ITGA8: variants seen among roughly 807,000 people sequenced by gnomAD.
ITGA8 encodes integrin subunit alpha 8.
ITGA8 carries 91 observed loss-of-function variants against 142.3 expected under a neutral mutation model. The ratio of observed to expected loss-of-function variants is 0.64; its 90% CI spans 0.54 to 0.76. The LOEUF (loss-of-function observed/expected upper bound fraction) is 0.76, where lower values mean the gene tolerates loss of function less well. Ranked by LOEUF, ITGA8 falls within the 30% of genes least tolerant of loss-of-function variation. The pLI, the probability that ITGA8 is intolerant of heterozygous loss-of-function variation, is 0.00. For missense variants in ITGA8, 1,406 were observed against 1,327.7 expected, an observed-to-expected ratio of 1.06 and a Z score of -0.92; for synonymous variants, 505 against 485.2, an observed-to-expected ratio of 1.04 and a Z score of -0.54.
At chr10:15,582,777 A>T (rs2131589152) in intron 23 of ITGA8, among the ~76,000 whole-genome samples, 1 of 152,390 alleles carries the variant, frequency 6.6e-6, no homozygotes, top group African/African-American at 2.4e-5. Context: ...CATAAAGCAC[A>T]TGCTGGCAAA....
Position 15,719,748 on chromosome 10 carries a change from A to G in ITGA8, c.24T>C (p.Gly8=), listed in dbSNP as rs56145228. 109 of 1,357,486 alleles carry G rather than the reference A, an allele frequency of 8.0e-5. No individual in the cohort carries two copies. The African/African-American group carries it at 1.4e-3, about 18-fold the overall frequency. 84.1% of individuals were successfully genotyped at this position (1,357,486 alleles called of 1,614,324 possible). The change falls in exon 1 of 30, where the codon GGT becomes GGC. Residue 8 remains glycine, a synonymous_variant. Transcript: ENST00000378076. MSPGASR[G]PRGSQAPLIA... The stretch of plus-strand genomic sequence containing the variant: ...TCAGCGGCGCCTGGCTTCCCCGGGG[A>G]CCGCGGCTGGCCCCGGGCGACATCT...
chr10:15,709,993 G>C (rs528391902), intron 2 of ITGA8, among the ~76,000 whole-genome samples: 1 of 152,070 alleles, frequency 6.6e-6, no homozygotes, highest in Non-Finnish European at 1.5e-5. Context: ...CTAATCCAGA[G>C]CTTTAATTCT....
chr10:15,519,240 C>A, intron 29 of ITGA8, 50 bp downstream of exon 29: 1 of 1,602,548 alleles, frequency 6.2e-7, no homozygotes, highest in South Asian at 1.1e-5. Context: ...CCTCTAAATT[C>A]CCTCAACAGC....
chr10:15,671,540 T>C, intron 8 of ITGA8, 63 bp downstream of exon 8: 3 of 1,362,804 alleles, frequency 2.2e-6, no homozygotes, highest in South Asian at 1.2e-5. Context: ...GAAAAAACTT[T>C]ATATGCCATT....
chr10:15,641,520 G>A (rs1403816708), intron 13 of ITGA8, among the ~76,000 whole-genome samples: 1 of 152,094 alleles, frequency 6.6e-6, no homozygotes, highest in African/African-American at 2.4e-5. Context: ...TTTGCTAGAG[G>A]ATGAGGATCA....
chr10:15,600,423 G>A (rs567254548), intron 20 of ITGA8, among the ~76,000 whole-genome samples: 1 of 152,320 alleles, frequency 6.6e-6, no homozygotes, highest in African/African-American at 2.4e-5. Flanking sequence ...TTGAAAATAA[G>A]TAGGATAGAT....
intron 13 of ITGA8, among the ~76,000 whole-genome samples, chr10:15,635,158 T>C (rs1401551425): frequency 1.3e-5 from 2 of 151,680 alleles, no homozygotes; most frequent in Non-Finnish European, 2.9e-5. Context: ...AGGCACGTGC[T>C]ACCATGCCCA....
chr10:15,613,182 T>A (rs1414640613), intron 15 of ITGA8, among the ~76,000 whole-genome samples: 4 of 76,156 alleles, frequency 5.3e-5, no homozygotes, highest in Non-Finnish European at 7.4e-5. Flanking sequence ...AATAAATAAA[T>A]AAATAAATAA....
chr10:15,618,094 G>C (rs906352335), intron 13 of ITGA8, among the ~76,000 whole-genome samples: 1 of 152,178 alleles, frequency 6.6e-6, no homozygotes, highest in African/African-American at 2.4e-5. Context: ...AGGAGGGAGG[G>C]AGATAAAGGT....
chr10:15,533,519 A>G (rs940333259), intron 27 of ITGA8, among the ~76,000 whole-genome samples: 4 of 152,230 alleles, frequency 2.6e-5, no homozygotes, highest in African/African-American at 9.6e-5. Flanking sequence ...GAGAAACTCT[A>G]GTAATGAGAT....
At chr10:15,572,939 C>A (rs899537490) in intron 24 of ITGA8, among the ~76,000 whole-genome samples, 4 of 152,198 alleles carry the variant, frequency 2.6e-5, no homozygotes, top group African/African-American at 9.7e-5. Flanking sequence ...AAGGCCACAT[C>A]TCATAAAGAG....
intron 15 of ITGA8, among the ~76,000 whole-genome samples, chr10:15,609,417 G>A (rs1048193177): frequency 1.3e-5 from 2 of 152,110 alleles, no homozygotes; most frequent in African/African-American, 4.8e-5. Flanking sequence ...TTATGTGTCA[G>A]CTTCCTGTGT....
intron 20 of ITGA8, among the ~76,000 whole-genome samples, chr10:15,598,691 T>A (rs1833049058): frequency 6.6e-6 from 1 of 152,156 alleles, no homozygotes; most frequent in Non-Finnish European, 1.5e-5. Flanking sequence ...CAGACAAGTA[T>A]GCAACCAAGT....
At chr10:15,669,956 G>T (rs1407742611) in intron 8 of ITGA8, among the ~76,000 whole-genome samples, 2 of 152,140 alleles carry the variant, frequency 1.3e-5, no homozygotes, top group Non-Finnish European at 2.9e-5. Flanking sequence ...GCTACTCAGG[G>T]GTCAGGGACC....
chr10:15,573,447 A>C (rs9333276), intron 24 of ITGA8, among the ~76,000 whole-genome samples: 1 of 151,272 alleles, frequency 6.6e-6, no homozygotes, highest in Non-Finnish European at 1.5e-5. Flanking sequence ...TGAGGTTCTT[A>C]ATCAGAGTGG....
intron 21 of ITGA8, among the ~76,000 whole-genome samples, chr10:15,593,161 T>C (rs1301851701): frequency 6.6e-6 from 1 of 152,198 alleles, no homozygotes; most frequent in African/African-American, 2.4e-5. Flanking sequence ...CTAGTTGAGG[T>C]TACAGTTACA....
rs765957621 is a variant in ITGA8, at chr10:15,671,625, C to G, written c.825G>C (p.Glu275Asp). 1.2e-6 allele frequency: 2 copies of G among 1,612,830 alleles called. No individual in the cohort carries two copies. Among genetic ancestry groups the G allele is most frequent in the South Asian group, 2.2e-5 (2 of 91,016 alleles). The change falls in exon 8 of 30, where the codon GAG becomes GAC. Residue 275 changes from glutamate to aspartate, a missense_variant. Coordinates refer to ENST00000378076, the MANE Select transcript of ITGA8 (RefSeq NM_003638.3). Reference sequence around the variant, plus strand: ...CACCTTGCTGAGAATCCCCAGTAAACTCCCCAGCAGCAACTGAGTATCCTG... The same window carrying G: ...CACCTTGCTGAGAATCCCCAGTAAAGTCCCCAGCAGCAACTGAGTATCCTG... ...SYLGYSVAAG[E>D]FTGDSQQELV... is the part of the protein sequence containing the mutation.
chr10:15,551,070 CTG>C (rs1289767243), intron 26 of ITGA8, among the ~76,000 whole-genome samples: 3 of 152,014 alleles, frequency 2.0e-5, no homozygotes, highest in Admixed American at 6.6e-5. Context: ...AACACTGAGA[CTG>C]GGGATTCTAG....
chr10:15,688,249 G>A lies in ITGA8; in HGVS notation c.344-211C>T, dbSNP rs562617781. Among the ~76,000 whole-genome samples, 17 of 140,534 alleles carry A rather than the reference G, an allele frequency of 1.2e-4. No individual in the cohort carries two copies. The South Asian group carries it at 3.4e-3, about 28-fold the overall frequency. The allele number at this position is 140,534 out of a possible 152,430, so 92.2% of individuals were successfully genotyped here. A position where few individuals can be genotyped will look rare whatever the true frequency, so the allele number is the denominator to read the frequency against. ...GCGGGACGATCACTTGAGAACAGAAGTTCAATATCAGCCTGGGCAACATGG... is the reference window on the plus strand; with the variant it reads ...GCGGGACGATCACTTGAGAACAGAAATTCAATATCAGCCTGGGCAACATGG... On this transcript the variant is annotated intron_variant, in intron 2 of 29. Coordinates refer to ENST00000378076, the MANE Select transcript of ITGA8 (RefSeq NM_003638.3).
Sources: gnomAD v4.1 joint callset for allele counts (sites outside exome capture counted in the v4.1 genomes callset) on GRCh38, gnomAD v4.1.1 for gene constraint, MANE v1.5 for transcripts, NCBI Gene and HGNC (gene_info 2026-07-23, HGNC 2026-07-21) for gene names.